Variants in PITRM1 observed in about 807,000 individuals in gnomAD.
The protein encoded by PITRM1 is presequence protease, mitochondrial.
PITRM1 carries 100 observed loss-of-function variants against 129.9 expected under a neutral mutation model. The ratio of observed to expected loss-of-function variants is 0.77; its 90% CI spans 0.65 to 0.91. PITRM1 has a LOEUF of 0.91. PITRM1 is among the 40% of genes least tolerant of loss of function. PITRM1 has a pLI of 0.00. For missense variants in PITRM1, 1,471 were observed against 1,318.3 expected, an observed-to-expected ratio of 1.12 and a Z score of -1.79; for synonymous variants, 591 against 508.8, an observed-to-expected ratio of 1.16 and a Z score of -2.17.
Position 3,158,957 on chromosome 10 carries a change from A to T in PITRM1, c.1093T>A (p.Leu365Met). The change falls in exon 10 of 27, where the codon TTG (leucine) becomes ATG (methionine). Residue 365 changes from leucine to methionine, a missense_variant. Physicochemically the swap from Leu to Met is conservative, Grantham distance 15. Coordinates refer to ENST00000224949, the MANE Select transcript of PITRM1 (RefSeq NM_014889.4). Reference protein sequence around the residue: ...SGPNSPFYKALIESGLGTDFS... With the variant: ...SGPNSPFYKAMIESGLGTDFS... ...TCTGTGCCAAGGCCAGATTCAATCAAGGCTTTGTAAAAGGGAGAATTGGGC... is the reference window on the plus strand; with the variant it reads ...TCTGTGCCAAGGCCAGATTCAATCATGGCTTTGTAAAAGGGAGAATTGGGC... The T allele has an allele frequency of 6.2e-7, 1 of 1,613,836 alleles. No individual in the cohort carries two copies. The highest frequency in any genetic ancestry group is 8.5e-7 in the Non-Finnish European group (1 of 1,179,760).
intron 25 of PITRM1, 115 bp from the exon 26 acceptor site, chr10:3,138,452 T>C: frequency 2.7e-6 from 2 of 736,098 alleles, no homozygotes; most frequent in Middle Eastern, 6.9e-4. Context: ...ACGTGCATGT[T>C]TCAACCACAG....
intron 20 of PITRM1, chr10:3,146,085 A>G (rs532202402): frequency 2.9e-4 from 53 of 183,446 alleles, no homozygotes; most frequent in Non-Finnish European, 5.3e-4. Context: ...GAAGTCATCA[A>G]TTTGAAAATG....
At position 3,168,914 on chromosome 10, in the gene PITRM1, CTACACACACACA is replaced by C. The variant is rs1435795911; in HGVS notation, c.159+1178_159+1189del. Among the ~76,000 whole-genome samples, 965 of 137,540 alleles carry C rather than the reference CTACACACACACA, an allele frequency of 7.0e-3. 14 individuals are homozygous for C. The highest frequency in any genetic ancestry group is 0.026 in the African/African-American group (937 of 36,742). The allele number at this position is 137,540 out of a possible 152,430, so 90.2% of individuals were successfully genotyped here. A position where few individuals can be genotyped will look rare whatever the true frequency, so the allele number is the denominator to read the frequency against. On this transcript the variant is annotated intron_variant, in intron 2 of 26. Transcript: ENST00000224949. ...CCAGTCTAGGCAACAAAGTTTCCAT[CTACACACACACA>C]CACACACACACACACACACACACAC...
At chr10:3,158,463 T>C (rs1002372653) in intron 10 of PITRM1, among the ~76,000 whole-genome samples, 1 of 152,164 alleles carries the variant, frequency 6.6e-6, no homozygotes, top group Non-Finnish European at 1.5e-5. Context: ...GGCAGGAGAA[T>C]GGTGTGAACC....
Position 3,149,727 on chromosome 10 carries a change from C to G in PITRM1, c.1765G>C (p.Ala589Pro), listed in dbSNP as rs368479367. Residue 589 changes from alanine (A) to proline (P), a missense_variant, in exon 16 of 27, where the codon GCC becomes CCC. Transcript: ENST00000224949. ...TAGDIPVQYC[A>P]QPTNGMVYFR... ...TACACCATGCCATTGGTGGGCTGGG[C>G]GCAGTACTGAACAGGGATATCTCCA... 2.5e-4 allele frequency: 406 copies of G among 1,612,692 alleles called. No individual in the cohort carries two copies. Among genetic ancestry groups the G allele is most frequent in the Middle Eastern group, 8.3e-4 (5 of 6,002 alleles).
At chr10:3,159,554 T>C (rs550614938) in intron 9 of PITRM1, among the ~76,000 whole-genome samples, 3 of 152,352 alleles carry the variant, frequency 2.0e-5, no homozygotes, top group Admixed American at 6.5e-5. Flanking sequence ...GACCTCAAAA[T>C]GTGAGCACCT....
intron 23 of PITRM1, among the ~76,000 whole-genome samples, chr10:3,141,311 G>A (rs905393807): frequency 1.3e-5 from 2 of 152,184 alleles, no homozygotes; most frequent in African/African-American, 4.8e-5. Context: ...GAGAGGTGGT[G>A]GGGAGGGAAT....
Position 3,148,184 on chromosome 10 carries a change from T to C in PITRM1, c.1979A>G (p.Asp660Gly). Residue 660 changes from aspartate to glycine, a missense_variant, in exon 17 of 27, where the codon GAC (aspartate) becomes GGC (glycine). Physicochemically the swap from Asp to Gly is moderately conservative, Grantham distance 94. Coordinates refer to ENST00000224949, the MANE Select transcript of PITRM1 (RefSeq NM_014889.4). ...PHVLPDDSHM[D>G]TYEQGVLFSS... is the part of the protein sequence containing the mutation. ...GTACCAGGCTACCTGCTCGTAGGTG[T>C]CCATGTGTGAGTCGTCGGGGAGCAC... is the stretch of plus-strand genomic sequence containing the variant. 1 of 1,613,874 alleles carries C rather than the reference T, an allele frequency of 6.2e-7. No homozygotes were observed. The highest frequency in any genetic ancestry group is 1.3e-5 in the African/African-American group (1 of 75,016).
chr10:3,172,580 C>A, intron 1 of PITRM1, 137 bp downstream of exon 1: 1 of 764,354 alleles, frequency 1.3e-6, no homozygotes. Flanking sequence ...AGGAAGGGCT[C>A]GGGGTGCGGG....
intron 24 of PITRM1, among the ~76,000 whole-genome samples, chr10:3,140,242 C>T (rs773893189): frequency 2.0e-5 from 3 of 152,344 alleles, no homozygotes; most frequent in East Asian, 3.9e-4. Context: ...GATACCTAGA[C>T]GGCTACTGGG....
chr10:3,163,631 C>A, intron 7 of PITRM1, 94 bp downstream of exon 7: 3 of 1,083,754 alleles, frequency 2.8e-6, no homozygotes, highest in Non-Finnish European at 2.7e-6. Flanking sequence ...TTAAGCATTG[C>A]TAAATGTGAG....
At position 3,172,778 on chromosome 10, in the gene PITRM1, A is replaced by C; in HGVS notation, c.-6T>G. ...CGCCCGCCGCAGCGCCACATTGCGC[A>C]TGACGAGCACCTGGCTGGCGAGGAA... is the stretch of plus-strand genomic sequence containing the variant. On this transcript the variant is annotated 5_prime_UTR_variant, in exon 1 of 27. It removes an upstream start codon present in the reference 5' UTR. Coordinates refer to ENST00000224949, the MANE Select transcript of PITRM1 (RefSeq NM_014889.4). 1.9e-6 allele frequency: 3 copies of C among 1,544,674 alleles called. No individual in the cohort carries two copies. Among genetic ancestry groups the C allele is most frequent in the Non-Finnish European group, 2.6e-6 (3 of 1,145,038 alleles).
intron 2 of PITRM1, among the ~76,000 whole-genome samples, chr10:3,168,584 G>C (rs914122534): frequency 2.7e-5 from 4 of 147,112 alleles, no homozygotes; most frequent in Non-Finnish European, 4.4e-5. Context: ...TGAATCAAGA[G>C]GGCGGTTTCC....
chr10:3,165,833 G>A (rs917411474), intron 4 of PITRM1, among the ~76,000 whole-genome samples: 2 of 152,176 alleles, frequency 1.3e-5, no homozygotes, highest in African/African-American at 4.8e-5. Flanking sequence ...ACCTCATTCT[G>A]TAACAGCATG....
chr10:3,168,263 C>T (rs1843037076), intron 2 of PITRM1, among the ~76,000 whole-genome samples: 1 of 152,238 alleles, frequency 6.6e-6, no homozygotes, highest in Non-Finnish European at 1.5e-5. Flanking sequence ...CGCGAAATTA[C>T]TTCTGTTTCC....
intron 6 of PITRM1, 71 bp from the exon 7 acceptor site, chr10:3,163,956 T>G: frequency 1.9e-6 from 2 of 1,043,484 alleles, no homozygotes; most frequent in South Asian, 3.5e-5. Flanking sequence ...ACTTACAATA[T>G]AGCCAATTGA....
chr10:3,169,952 C>A (rs933409778), intron 2 of PITRM1, among the ~76,000 whole-genome samples, 152 bp downstream of exon 2: 2 of 152,226 alleles, frequency 1.3e-5, no homozygotes, highest in Non-Finnish European at 2.9e-5. Context: ...TCTGTTCAGC[C>A]GAGTAGCTGC....
intron 5 of PITRM1, 29 bp downstream of exon 5, chr10:3,165,384 T>G (rs1842777390): frequency 1.2e-6 from 2 of 1,604,372 alleles, no homozygotes; most frequent in African/African-American, 1.3e-5. Flanking sequence ...CTAAAGTCTG[T>G]ATCAACTAGT....
intron 7 of PITRM1, among the ~76,000 whole-genome samples, chr10:3,161,641 G>C (rs1842446286): frequency 6.6e-6 from 1 of 151,180 alleles, no homozygotes; most frequent in Non-Finnish European, 1.5e-5. Context: ...TGAACCTCTG[G>C]AGCAGGGAGG....
Sources: gnomAD v4.1 joint callset for allele counts (sites outside exome capture counted in the v4.1 genomes callset) on GRCh38, gnomAD v4.1.1 for gene constraint, MANE v1.5 for transcripts, NCBI Gene and HGNC (gene_info 2026-07-23, HGNC 2026-07-21) for gene names.